DYRK1A: variants seen among roughly 807,000 people sequenced by gnomAD.
The protein encoded by DYRK1A is dual specificity tyrosine-phosphorylation-regulated kinase 1A.
A neutral mutation model predicts 79.7 loss-of-function variants in DYRK1A; 9 were observed. That is an observed-to-expected ratio of 0.11 (90% confidence interval 0.07 to 0.20). The LOEUF (loss-of-function observed/expected upper bound fraction) is 0.20. DYRK1A is among the 10% of genes least tolerant of loss of function. DYRK1A has a pLI of 1.00. For missense variants in DYRK1A, 622 were observed against 956.0 expected, an observed-to-expected ratio of 0.65 and a Z score of 4.61; for synonymous variants, 349 against 329.7, an observed-to-expected ratio of 1.06 and a Z score of -0.63.
chr21:37,430,370 G>C (rs2050743906), intron 2 of DYRK1A: 1 of 985,228 alleles, frequency 1.0e-6, no homozygotes, highest in Non-Finnish European at 1.2e-6. Context: ...GGTCGTTCCA[G>C]TCATAGGAGA....
At chr21:37,499,549 G>A (rs1395918003) in intron 9 of DYRK1A, among the ~76,000 whole-genome samples, 1 of 152,192 alleles carries the variant, frequency 6.6e-6, no homozygotes, top group African/African-American at 2.4e-5. Flanking sequence ...CTTCCACTCT[G>A]TAAAGATGGG....
chr21:37,383,837 A>ATGTGTGTGTGTGTGTGTG (rs112549944), intron 1 of DYRK1A, among the ~76,000 whole-genome samples: 2 of 148,370 alleles, frequency 1.3e-5, no homozygotes, highest in African/African-American at 2.5e-5. Flanking sequence ...GTAATGGTGT[A>ATGTGTGTGTGTGTGTGTG]TGTGTGTGTG....
intron 1 of DYRK1A, chr21:37,419,692 T>G (rs2050426896): frequency 1.3e-5 from 2 of 152,212 alleles, no homozygotes; most frequent in Non-Finnish European, 1.5e-5. Context: ...TAAGTCATTA[T>G]GAATTTTTCT....
intron 2 of DYRK1A, among the ~76,000 whole-genome samples, chr21:37,457,037 CTTATTTATTTAT>C (rs57947572): frequency 2.8e-3 from 163 of 59,238 alleles, no homozygotes; most frequent in Middle Eastern, 9.1e-3. Context: ...TACTTACTTA[CTTATTTATTTAT>C]TTATTTATTT....
intron 2 of DYRK1A, among the ~76,000 whole-genome samples, chr21:37,449,853 A>C (rs1319208848): frequency 1.3e-5 from 2 of 152,158 alleles, no homozygotes; most frequent in African/African-American, 2.4e-5. Flanking sequence ...TTGGATGCAG[A>C]CAACAGAAAC....
chr21:37,508,984 G>T (rs1006224029), intron 11 of DYRK1A, among the ~76,000 whole-genome samples: 1 of 152,036 alleles, frequency 6.6e-6, no homozygotes, highest in Non-Finnish European at 1.5e-5. Context: ...ATAAGACACC[G>T]CGTTCTTCCC....
chr21:37,369,365 G>A (rs2049384073), intron 1 of DYRK1A, among the ~76,000 whole-genome samples: 1 of 152,210 alleles, frequency 6.6e-6, no homozygotes, highest in Non-Finnish European at 1.5e-5. Flanking sequence ...TTAAGCTGCA[G>A]AAGATCATTT....
rs2053934039 is a variant in DYRK1A, at chr21:37,521,341, A to T, written c.*8810A>T. On this transcript the variant is annotated 3_prime_UTR_variant, in exon 12 of 12. Coordinates refer to ENST00000647188, the MANE Select transcript of DYRK1A (RefSeq NM_001347721.2). ...TGAATCAAAGAAAACAATCAGTACT[A>T]ACCCTGGAAACAATTTAAAAATGAA... 1 of 152,242 alleles carries T rather than the reference A, an allele frequency of 6.6e-6. No homozygotes were observed. The highest frequency in any genetic ancestry group is 6.5e-5 in the Admixed American group (1 of 15,282). 9.4% of individuals were successfully genotyped at this position (152,242 alleles called of 1,614,324 possible).
chr21:37,405,414 C>A (rs1196678996), intron 1 of DYRK1A, among the ~76,000 whole-genome samples: 4 of 152,202 alleles, frequency 2.6e-5, no homozygotes, highest in Non-Finnish European at 5.9e-5. Flanking sequence ...AGTCATCCCA[C>A]CTCTGTGAGA....
In DYRK1A at chr21:37,369,386, G is replaced by A. The variant is rs115659482; in HGVS notation, c.-77+1758G>A. Reference sequence around the variant, plus strand: ...TGCAGAAGATCATTTCAAAGAAACTGGTTATGAAAAAAGCTTACTTGATTA... The same window carrying A: ...TGCAGAAGATCATTTCAAAGAAACTAGTTATGAAAAAAGCTTACTTGATTA... On this transcript the variant is annotated intron_variant, in intron 1 of 11. Coordinates refer to ENST00000647188, the MANE Select transcript of DYRK1A (RefSeq NM_001347721.2). Among the ~76,000 whole-genome samples, 1,245 of 152,256 alleles carry A rather than the reference G, an allele frequency of 8.2e-3. 21 individuals are homozygous for A. Among genetic ancestry groups the A allele is most frequent in the African/African-American group, 0.028 (1,171 of 41,548 alleles).
At chr21:37,396,952 T>G (rs1480909630) in intron 1 of DYRK1A, among the ~76,000 whole-genome samples, 1 of 152,142 alleles carries the variant, frequency 6.6e-6, no homozygotes, top group African/African-American at 2.4e-5. Flanking sequence ...CACGTGGTCA[T>G]CTGGAGTCAT....
intron 2 of DYRK1A, among the ~76,000 whole-genome samples, chr21:37,437,404 G>C (rs2050956139): frequency 6.6e-6 from 1 of 152,144 alleles, no homozygotes; most frequent in Admixed American, 6.5e-5. Flanking sequence ...GTGGAGTGGA[G>C]GGAAGGGATT....
chr21:37,371,208 T>A (rs1349234992), intron 1 of DYRK1A, among the ~76,000 whole-genome samples: 2 of 152,214 alleles, frequency 1.3e-5, no homozygotes, highest in Non-Finnish European at 2.9e-5. Context: ...AAGTTTACCA[T>A]AGAGTGTTTG....
chr21:37,427,757 TG>T (rs2050667172), intron 2 of DYRK1A, among the ~76,000 whole-genome samples: 1 of 152,214 alleles, frequency 6.6e-6, no homozygotes, highest in African/African-American at 2.4e-5. Context: ...AGAATTTTTC[TG>T]CACCCTAGGA....
In DYRK1A at chr21:37,479,618, TG is replaced by T. The variant is rs1393005116; in HGVS notation, c.301-1019del. ...TGTTTTTGTTTTTGTTTTTGTTTTT[TG>T]TTTTTTTTTTTTTTTTTGGAGACAG... On this transcript the variant is annotated intron_variant, in intron 4 of 11. Transcript: ENST00000647188. Among the ~76,000 whole-genome samples the T allele has an allele frequency of 6.7e-3, 554 of 83,280 alleles. 22 individuals carry two copies. Among genetic ancestry groups the T allele is most frequent in the African/African-American group, 0.021 (391 of 18,934 alleles). The allele number at this position is 83,280 out of a possible 152,430, so 54.6% of individuals were successfully genotyped here.
chr21:37,507,743 TC>T lies in DYRK1A; in HGVS notation c.1644+1522del, dbSNP rs1212121388. The stretch of plus-strand genomic sequence containing the variant: ...CTACCCAGCACTGAAACCTGGGTGT[TC>T]CTCGAGGCATGACCTGTGTCCCTTC... On this transcript the variant is annotated intron_variant, in intron 11 of 11. Coordinates refer to ENST00000647188, the MANE Select transcript of DYRK1A (RefSeq NM_001347721.2). Among the ~76,000 whole-genome samples the T allele has an allele frequency of 2.0e-5, 3 of 148,820 alleles. No individual in the cohort carries two copies. In the South Asian group the frequency reaches 6.4e-4, roughly 32 times the overall value.
At chr21:37,451,095 A>G (rs1230054751) in intron 2 of DYRK1A, among the ~76,000 whole-genome samples, 1 of 152,266 alleles carries the variant, frequency 6.6e-6, no homozygotes, top group Non-Finnish European at 1.5e-5. Context: ...GAAAGCTTAC[A>G]GAATAAGAAT....
rs2051821052 is a variant in DYRK1A, at chr21:37,461,034, C to T, written c.11-11650C>T. 2.6e-5 allele frequency among the ~76,000 whole-genome samples: 4 copies of T among 152,062 alleles called. 1 individual carries two copies. The South Asian group carries it at 6.2e-4, about 24-fold the overall frequency. On this transcript the variant is annotated intron_variant, in intron 2 of 11. Transcript: ENST00000647188. ...TTTCAGCTGTAAGAATTTGGCTTAC[C>T]TTTTGTAATCAAGAGTGGTAAGGGC...
intron 8 of DYRK1A, among the ~76,000 whole-genome samples, chr21:37,494,723 A>T (rs1185102918): frequency 6.6e-6 from 1 of 151,952 alleles, no homozygotes; most frequent in Non-Finnish European, 1.5e-5. Flanking sequence ...TGAAGCAGGC[A>T]GATCACTTGA....
Sources: allele counts gnomAD v4.1 joint callset (sites outside exome capture counted in the v4.1 genomes callset), GRCh38; gene constraint gnomAD v4.1.1; transcripts MANE v1.5; gene names NCBI Gene and HGNC (gene_info 2026-07-23, HGNC 2026-07-21).